Variants in ANKRD26 observed in about 807,000 individuals in gnomAD.
ANKRD26 encodes ankyrin repeat domain 26.
Under a neutral mutation model 208.7 loss-of-function variants are expected in ANKRD26, and 141 were observed. The observed-to-expected ratio is 0.68, with a 90% confidence interval of 0.59 to 0.78. The LOEUF (loss-of-function observed/expected upper bound fraction) is 0.78, where lower values mean the gene tolerates loss of function less well. Ranked by LOEUF, ANKRD26 falls within the 30% of genes least tolerant of loss-of-function variation. The pLI, the probability that ANKRD26 is intolerant of heterozygous loss-of-function variation, is 0.00. For missense variants in ANKRD26, 1,889 were observed against 1,938.7 expected, an observed-to-expected ratio of 0.97 and a Z score of 0.48; for synonymous variants, 636 against 660.4, an observed-to-expected ratio of 0.96 and a Z score of 0.57.
At chr10:27,020,859 C>A (rs12570637) in intron 29 of ANKRD26, among the ~76,000 whole-genome samples, 2,764 of 152,096 alleles carry the variant, frequency 0.018, 152 homozygotes, top group East Asian at 0.16. Context: ...CGGGGTTTTG[C>A]CATTTTGTCA....
chr10:27,046,200 T>G, intron 18 of ANKRD26, 153 bp downstream of exon 18: 1 of 806,458 alleles, frequency 1.2e-6, no homozygotes, highest in Non-Finnish European at 2.0e-6. Context: ...TTGAAATGGC[T>G]GCTTGTCAAA....
chr10:27,037,551 A>G (rs933935672), intron 22 of ANKRD26, among the ~76,000 whole-genome samples: 2 of 152,230 alleles, frequency 1.3e-5, no homozygotes, highest in African/African-American at 4.8e-5. Context: ...GAATTGTGAA[A>G]TAAAATGTCA....
chr10:27,033,504 T>G, intron 24 of ANKRD26, 127 bp from the exon 25 acceptor site: 1 of 944,456 alleles, frequency 1.1e-6, no homozygotes, highest in Non-Finnish European at 1.6e-6. Flanking sequence ...CATACATTGA[T>G]TCACCTTCTT....
chr10:27,014,228 A>G (rs533138107), intron 31 of ANKRD26, among the ~76,000 whole-genome samples: 20 of 152,270 alleles, frequency 1.3e-4, no homozygotes, highest in Admixed American at 3.3e-4. Flanking sequence ...AAGTTTTAAA[A>G]GCACATAGCT....
At chr10:27,095,293 T>C (rs1285234261) in intron 1 of ANKRD26, among the ~76,000 whole-genome samples, 2 of 152,240 alleles carry the variant, frequency 1.3e-5, no homozygotes, top group Non-Finnish European at 2.9e-5. Context: ...CAATGACTAA[T>C]ATTCGTGTTT....
chr10:27,011,266 A>AT (rs769987863), intron 32 of ANKRD26, among the ~76,000 whole-genome samples: 162 of 152,174 alleles, frequency 1.1e-3, no homozygotes, highest in Admixed American at 2.3e-3. Context: ...GCTTCTTGTA[A>AT]TTTTTTAAGA....
the ANKRD26 span, among the ~76,000 whole-genome samples, chr10:26,954,396 G>T: frequency 6.6e-6 from 1 of 152,004 alleles, no homozygotes; most frequent in Admixed American, 6.5e-5. Flanking sequence ...TTTTTATTGA[G>T]ATCCATTGAT....
chr10:26,962,755 A>T, the ANKRD26 span, among the ~76,000 whole-genome samples: 1 of 152,254 alleles, frequency 6.6e-6, no homozygotes, highest in Non-Finnish European at 1.5e-5. Flanking sequence ...CTCTAAAAAA[A>T]CAAAACAAAC....
intron 5 of ANKRD26, among the ~76,000 whole-genome samples, chr10:26,980,268 C>T (rs2052287813): frequency 6.6e-6 from 1 of 152,218 alleles, no homozygotes; most frequent in South Asian, 2.1e-4. Context: ...TGGCTCATGC[C>T]TTGGCATCTT....
chr10:27,017,367 A>C, intron 30 of ANKRD26, 135 bp downstream of exon 30: 1 of 828,176 alleles, frequency 1.2e-6, no homozygotes, highest in Non-Finnish European at 2.0e-6. Context: ...CTAAAGGGAG[A>C]AACAGATGCC....
At position 27,061,149 on chromosome 10, in the gene ANKRD26, T is replaced by A; in HGVS notation, c.1457A>T (p.His486Leu). ...DTRNVGMPVA[H>L]MESPERYLHL... ...TACGCATTTTTTTTCCATACCCATG[T>A]GGGCTACTGGCATGCCTACATTTCT... is the stretch of plus-strand genomic sequence containing the variant. The change falls in exon 13 of 34, where the codon CAC becomes CTC. Residue 486 changes from histidine to leucine, a missense_variant. By Grantham distance (99) the His-to-Leu change is moderately conservative (BLOSUM62 -3). This residue lies in a region of ANKRD26 where 1,272 missense variants were observed against 1,273.8 expected (regional missense o/e 1.00). Transcript: ENST00000376087. The A allele has an allele frequency of 6.2e-7, 1 of 1,605,766 alleles. No individual in the cohort carries two copies. Among genetic ancestry groups the A allele is most frequent in the Non-Finnish European group, 8.5e-7 (1 of 1,172,672 alleles).
At chr10:26,976,421 G>T (rs1451234181) in intron 5 of ANKRD26, among the ~76,000 whole-genome samples, 2 of 152,030 alleles carry the variant, frequency 1.3e-5, no homozygotes, top group Non-Finnish European at 1.5e-5. Context: ...TGCCATATTG[G>T]CCAGGCTGGT....
At chr10:26,973,856 C>T (rs1376907123), downstream of ANKRD26, among the ~76,000 whole-genome samples, 1 of 151,684 alleles carries the variant, frequency 6.6e-6, no homozygotes, top group Non-Finnish European at 1.5e-5. Context: ...GGGGTTTCGC[C>T]ATGTTGGCCA....
intron 28 of ANKRD26, among the ~76,000 whole-genome samples, chr10:27,023,565 G>C (rs1317343437): frequency 6.6e-6 from 1 of 152,046 alleles, no homozygotes; most frequent in East Asian, 1.9e-4. Context: ...CAGAGTTTTA[G>C]AAGAAAGGAA....
chr10:26,950,849 A>G, the ANKRD26 span, among the ~76,000 whole-genome samples: 1 of 151,834 alleles, frequency 6.6e-6, no homozygotes, highest in East Asian at 1.9e-4. Flanking sequence ...ATTTCTGTAA[A>G]TATAGAGCTT....
intron 19 of ANKRD26, 100 bp from the exon 20 acceptor site, chr10:27,043,667 T>A: frequency 8.2e-7 from 1 of 1,225,192 alleles, no homozygotes; most frequent in Non-Finnish European, 1.2e-6. Flanking sequence ...AAAACACAGG[T>A]ATTTCTTAAA....
intron 31 of ANKRD26, among the ~76,000 whole-genome samples, chr10:27,014,284 G>C (rs945406512): frequency 6.7e-6 from 1 of 149,532 alleles, no homozygotes; most frequent in African/African-American, 2.5e-5. Context: ...TAACGGAAAA[G>C]CCATATAAAA....
At chr10:26,982,576 T>C (rs1157156820) in intron 4 of ANKRD26, among the ~76,000 whole-genome samples, 5 of 150,708 alleles carry the variant, frequency 3.3e-5, no homozygotes, top group African/African-American at 4.9e-5. Flanking sequence ...CATTCTTAGG[T>C]GGTCTTGTCT....
chr10:26,979,436 T>G (rs2052275402), intron 5 of ANKRD26, among the ~76,000 whole-genome samples: 1 of 152,172 alleles, frequency 6.6e-6, no homozygotes, highest in African/African-American at 2.4e-5. Context: ...TGGGACTGAC[T>G]GACTGTTGTA....
Sources: gnomAD v4.1 joint callset for allele counts (sites outside exome capture counted in the v4.1 genomes callset) on GRCh38, gnomAD v4.1.1 for gene constraint, gnomAD v4.1.1 regional missense constraint, MANE v1.5 for transcripts, NCBI Gene and HGNC (gene_info 2026-07-23, HGNC 2026-07-21) for gene names.